The following MARCHF1 variants were observed in gnomAD, a reference collection of about 807,000 sequenced individuals.
MARCHF1 encodes membrane associated ring-CH-type finger 1.
In MARCHF1, 40 loss-of-function variants were observed where a neutral mutation model predicts 54.2. That is an observed-to-expected ratio of 0.74 (90% CI 0.57 to 0.96). MARCHF1 has a LOEUF of 0.96. MARCHF1 is among the 40% of genes least tolerant of loss of function. The probability of loss-of-function intolerance (pLI) is 0.00; values close to 1 mark genes in which losing one functional copy is unlikely to be tolerated. For synonymous variants in MARCHF1, 236 were observed against 236.3 expected, an observed-to-expected ratio of 1.00 and a Z score of 0.01; for missense variants, 586 against 656.5, an observed-to-expected ratio of 0.89 and a Z score of 1.17.
intron 1 of MARCHF1, among the ~76,000 whole-genome samples, chr4:164,349,290 C>T (rs933503204): frequency 1.3e-5 from 2 of 149,718 alleles, no homozygotes; most frequent in Non-Finnish European, 3.0e-5. Context: ...ATGTTTTCTG[C>T]TCTATCTCCT....
chr4:164,209,352 GAGGAGC>G (rs1731702444), intron 1 of MARCHF1, among the ~76,000 whole-genome samples: 1 of 152,090 alleles, frequency 6.6e-6, no homozygotes, highest in Non-Finnish European at 1.5e-5. Context: ...CCAACTTTGG[GAGGAGC>G]ATGAGCTTCA....
At chr4:163,933,857 C>A (rs749342444) in intron 3 of MARCHF1, among the ~76,000 whole-genome samples, 10 of 152,206 alleles carry the variant, frequency 6.6e-5, no homozygotes, top group Non-Finnish European at 1.2e-4. Context: ...TTTCCTTATT[C>A]ACTCTTTATT....
At chr4:164,241,651 G>T (rs4455373) in intron 1 of MARCHF1, among the ~76,000 whole-genome samples, 3 of 151,946 alleles carry the variant, frequency 2.0e-5, no homozygotes, top group Non-Finnish European at 2.9e-5. Flanking sequence ...GAACAGCTCC[G>T]GTCTACAGCT....
intron 4 of MARCHF1, among the ~76,000 whole-genome samples, chr4:163,724,524 T>C (rs954235388): frequency 2.0e-5 from 3 of 152,154 alleles, no homozygotes; most frequent in African/African-American, 7.2e-5. Flanking sequence ...GAACCACTAC[T>C]CTCTTCAAAG....
At chr4:163,891,222 T>G (rs1169057402) in intron 3 of MARCHF1, among the ~76,000 whole-genome samples, 2 of 152,100 alleles carry the variant, frequency 1.3e-5, no homozygotes, top group Non-Finnish European at 2.9e-5. Flanking sequence ...ATTTTCACTC[T>G]GAGAAGGTGA....
intron 1 of MARCHF1, among the ~76,000 whole-genome samples, chr4:164,304,419 C>T (rs1378650227): frequency 2.0e-5 from 3 of 152,110 alleles, no homozygotes; most frequent in Admixed American, 1.3e-4. Context: ...ATGTACAGCC[C>T]CTGGTGTATT....
intron 3 of MARCHF1, among the ~76,000 whole-genome samples, chr4:163,976,040 A>G (rs1452577953): frequency 6.6e-6 from 1 of 152,196 alleles, no homozygotes; most frequent in African/African-American, 2.4e-5. Context: ...ATAAAACATT[A>G]AACAGTGGAA....
intron 2 of MARCHF1, among the ~76,000 whole-genome samples, chr4:164,089,366 C>A (rs1214444996): frequency 6.6e-6 from 1 of 152,046 alleles, no homozygotes; most frequent in Non-Finnish European, 1.5e-5. Context: ...GATATAATTT[C>A]TACTAAAAAT....
chr4:163,979,296 T>C (rs1253157767), intron 3 of MARCHF1, among the ~76,000 whole-genome samples: 2 of 144,236 alleles, frequency 1.4e-5, no homozygotes, highest in Non-Finnish European at 3.0e-5. Flanking sequence ...TTGTGATAGT[T>C]TACTGAGAAT....
chr4:163,821,421 A>G (rs1748689352), intron 4 of MARCHF1, among the ~76,000 whole-genome samples: 1 of 152,036 alleles, frequency 6.6e-6, no homozygotes, highest in South Asian at 2.1e-4. Flanking sequence ...AGGATTTTCA[A>G]TAGTAGGCAT....
chr4:164,241,183 C>T (rs1016690680), intron 1 of MARCHF1, among the ~76,000 whole-genome samples: 2 of 152,098 alleles, frequency 1.3e-5, no homozygotes, highest in African/African-American at 2.4e-5. Flanking sequence ...ACTCAGCCTT[C>T]GAAGACCATT....
At chr4:163,600,378 G>A (rs1740924401) in intron 7 of MARCHF1, among the ~76,000 whole-genome samples, 1 of 152,052 alleles carries the variant, frequency 6.6e-6, no homozygotes, top group African/African-American at 2.4e-5. Context: ...AAGCAATCTG[G>A]ATGGAATCCT....
At chr4:163,570,914 C>A (rs999853737) in intron 8 of MARCHF1, among the ~76,000 whole-genome samples, 1 of 152,018 alleles carries the variant, frequency 6.6e-6, no homozygotes, top group Non-Finnish European at 1.5e-5. Context: ...AAAACAAGAT[C>A]TCTTCATTCA....
intron 4 of MARCHF1, among the ~76,000 whole-genome samples, chr4:163,739,989 C>A (rs1349859438): frequency 6.6e-6 from 1 of 151,928 alleles, no homozygotes; most frequent in African/African-American, 2.4e-5. Context: ...TATTTTTTTT[C>A]TTGTGGCAAC....
chr4:163,999,943 A>T (rs567186157), intron 2 of MARCHF1, among the ~76,000 whole-genome samples: 3 of 151,838 alleles, frequency 2.0e-5, no homozygotes, highest in Admixed American at 2.0e-4. Context: ...TAATAACAAC[A>T]TGTTAATAAA....
chr4:163,792,721 G>A (rs545911324), intron 4 of MARCHF1, among the ~76,000 whole-genome samples: 1 of 152,172 alleles, frequency 6.6e-6, no homozygotes, highest in African/African-American at 2.4e-5. Context: ...AGAATTAAAC[G>A]TTAAGAACCA....
intron 2 of MARCHF1, among the ~76,000 whole-genome samples, chr4:164,014,875 T>G (rs572103490): frequency 6.6e-5 from 10 of 152,258 alleles, no homozygotes; most frequent in African/African-American, 1.9e-4. Context: ...CACTCAGATA[T>G]ATAAAGCAAA....
At chr4:164,253,446 TTAAA>T (rs770995871) in intron 1 of MARCHF1, among the ~76,000 whole-genome samples, 19 of 152,250 alleles carry the variant, frequency 1.2e-4, no homozygotes, top group Non-Finnish European at 2.4e-4. Flanking sequence ...ATTGTAACAC[TTAAA>T]TAAGTAATGA....
At chr4:164,336,307 T>C (rs1406976238) in intron 1 of MARCHF1, among the ~76,000 whole-genome samples, 1 of 152,108 alleles carries the variant, frequency 6.6e-6, no homozygotes, top group Non-Finnish European at 1.5e-5. Context: ...GGTATTTGGT[T>C]AAGACAAAAA....
Sources: gnomAD v4.1 joint callset for allele counts (sites outside exome capture counted in the v4.1 genomes callset) on GRCh38, gnomAD v4.1.1 for gene constraint, MANE v1.5 for transcripts, NCBI Gene and HGNC (gene_info 2026-07-23, HGNC 2026-07-21) for gene names.